The following RBFOX1 variants were observed in gnomAD, a reference collection of about 807,000 sequenced individuals.
The protein encoded by RBFOX1 is RNA binding protein fox-1 homolog 1.
Under a neutral mutation model 57.7 loss-of-function variants are expected in RBFOX1, and 8 were observed. The ratio of observed to expected loss-of-function variants is 0.14; its 90% CI spans 0.08 to 0.25. The LOEUF is 0.25. RBFOX1 is among the 10% of genes least tolerant of loss of function. The probability of loss-of-function intolerance (pLI) is 1.00; values close to 1 mark genes in which losing one functional copy is unlikely to be tolerated. For synonymous variants in RBFOX1, 326 were observed against 222.4 expected (o/e 1.47, Z -4.15); for missense variants, 611 against 548.5 (o/e 1.11, Z -1.14).
Position 7,289,114 on chromosome 16 carries a change from C to T in RBFOX1, c.28-229033C>T, listed in dbSNP as rs533225140. On this transcript the variant is annotated intron_variant, in intron 4 of 15. Coordinates refer to ENST00000550418, the MANE Select transcript of RBFOX1 (RefSeq NM_018723.4). Reference sequence around the variant, plus strand: ...TCATGCCAGATCCTGCCTGCTGTATCAGAGAGCCTCCTTAGAGATGTCTGT... The same window carrying T: ...TCATGCCAGATCCTGCCTGCTGTATTAGAGAGCCTCCTTAGAGATGTCTGT... Among the ~76,000 whole-genome samples, 12 of 152,298 alleles carry T rather than the reference C, an allele frequency of 7.9e-5. No homozygotes were observed. The East Asian group carries it at 2.3e-3, about 29-fold the overall frequency.
intron 2 of RBFOX1, among the ~76,000 whole-genome samples, chr16:6,638,063 G>A (rs2098459442): frequency 6.6e-6 from 1 of 152,022 alleles, no homozygotes; most frequent in Admixed American, 6.6e-5. Flanking sequence ...CTAAACTTCT[G>A]CCACTCTCTC....
chr16:5,587,544 C>G (rs1412167198), intron 2 of RBFOX1, among the ~76,000 whole-genome samples: 1 of 152,164 alleles, frequency 6.6e-6, no homozygotes, highest in East Asian at 1.9e-4. Context: ...GAAACCCCGT[C>G]TCTACTAAAA....
chr16:6,535,297 C>G (rs997061950), intron 2 of RBFOX1, among the ~76,000 whole-genome samples: 3 of 152,194 alleles, frequency 2.0e-5, no homozygotes, highest in Admixed American at 6.5e-5. Context: ...ATTGAGGGAT[C>G]ACACTGGAAA....
chr16:7,200,416 C>G (rs2088048275), intron 4 of RBFOX1, among the ~76,000 whole-genome samples: 1 of 152,280 alleles, frequency 6.6e-6, no homozygotes, highest in East Asian at 1.9e-4. Context: ...CACAACTGTG[C>G]TCTCTCCATA....
At chr16:6,111,008 G>A (rs2096440445) in intron 1 of RBFOX1, among the ~76,000 whole-genome samples, 1 of 152,140 alleles carries the variant, frequency 6.6e-6, no homozygotes, top group Non-Finnish European at 1.5e-5. Flanking sequence ...TATTTATGAG[G>A]GTTCAGTGGA....
intron 1 of RBFOX1, among the ~76,000 whole-genome samples, chr16:6,184,474 A>G (rs1483745857): frequency 1.3e-5 from 2 of 152,210 alleles, no homozygotes; most frequent in Admixed American, 6.5e-5. Flanking sequence ...TTTCCAAAGC[A>G]AAGACTATAT....
At chr16:5,581,847 T>A (rs965259311) in intron 2 of RBFOX1, among the ~76,000 whole-genome samples, 2 of 152,070 alleles carry the variant, frequency 1.3e-5, no homozygotes, top group African/African-American at 4.8e-5. Context: ...GGATATTATC[T>A]AGGGACAAAG....
chr16:7,266,922 G>A (rs1487594852), intron 4 of RBFOX1, among the ~76,000 whole-genome samples: 1 of 152,038 alleles, frequency 6.6e-6, no homozygotes, highest in African/African-American at 2.4e-5. Flanking sequence ...TTGCTGGGGG[G>A]AGACTGGAAG....
At chr16:6,455,138 C>G (rs148257428) in intron 2 of RBFOX1, among the ~76,000 whole-genome samples, 1 of 151,774 alleles carries the variant, frequency 6.6e-6, no homozygotes, top group Admixed American at 6.6e-5. Flanking sequence ...CAGGATCCAC[C>G]CGCCCTGGCC....
chr16:6,789,767 T>A (rs995981704), intron 3 of RBFOX1, among the ~76,000 whole-genome samples: 4 of 152,138 alleles, frequency 2.6e-5, no homozygotes, highest in East Asian at 1.9e-4. Flanking sequence ...CTTAGTTTTT[T>A]AAAAAATCTT....
chr16:6,274,628 TATC>T (rs1189462650), intron 1 of RBFOX1, among the ~76,000 whole-genome samples: 3 of 152,186 alleles, frequency 2.0e-5, no homozygotes, highest in Non-Finnish European at 4.4e-5. Context: ...GTATTAGCGC[TATC>T]ATCACGCAAT....
chr16:6,112,710 A>C (rs1194653317), intron 1 of RBFOX1, among the ~76,000 whole-genome samples: 1 of 152,184 alleles, frequency 6.6e-6, no homozygotes, highest in East Asian at 1.9e-4. Context: ...ACCTGGAGCA[A>C]GTTCTGAGGT....
Position 7,026,556 on chromosome 16 carries a change from G to A in RBFOX1, c.-15-25501G>A, listed in dbSNP as rs141653975. Among the ~76,000 whole-genome samples the A allele has an allele frequency of 2.1e-3, 322 of 151,496 alleles. 4 individuals carry two copies. The highest frequency in any genetic ancestry group is 0.014 in the Middle Eastern group (4 of 294). On this transcript the variant is annotated intron_variant, in intron 3 of 15. Transcript: ENST00000550418. Reference sequence around the variant, plus strand: ...ATACACAATCACAGCTGCTTCATACGGCTTCTCCCCGTCCCCTCTCCTGGC... The same window carrying A: ...ATACACAATCACAGCTGCTTCATACAGCTTCTCCCCGTCCCCTCTCCTGGC...
chr16:5,420,701 T>C (rs1242279600), intron 1 of RBFOX1, among the ~76,000 whole-genome samples: 1 of 152,016 alleles, frequency 6.6e-6, no homozygotes, highest in Non-Finnish European at 1.5e-5. Flanking sequence ...GCCTGGCTAA[T>C]TTTTGTATAC....
intron 2 of RBFOX1, among the ~76,000 whole-genome samples, chr16:6,456,286 G>A (rs1050396576): frequency 6.6e-6 from 1 of 152,108 alleles, no homozygotes; most frequent in Non-Finnish European, 1.5e-5. Context: ...GTGTGCGTGT[G>A]TAAGAGTGTG....
At chr16:6,774,423 CTAAA>C (rs1414664561) in intron 3 of RBFOX1, among the ~76,000 whole-genome samples, 1 of 152,136 alleles carries the variant, frequency 6.6e-6, no homozygotes, top group East Asian at 1.9e-4. Context: ...AACTGGGACT[CTAAA>C]TAATAGGTTC....
intron 3 of RBFOX1, among the ~76,000 whole-genome samples, chr16:6,895,711 C>G (rs939479069): frequency 4.6e-5 from 7 of 151,710 alleles, no homozygotes; most frequent in African/African-American, 1.7e-4. Context: ...GTAAAGGATA[C>G]TCATGTGATT....
At chr16:6,743,397 G>T (rs1392753871) in intron 3 of RBFOX1, among the ~76,000 whole-genome samples, 1 of 152,072 alleles carries the variant, frequency 6.6e-6, no homozygotes, top group Non-Finnish European at 1.5e-5. Flanking sequence ...ATAAAAATAA[G>T]ATCAAATTAT....
At chr16:5,278,536 A>G (rs992688987) in intron 1 of RBFOX1, among the ~76,000 whole-genome samples, 1 of 152,112 alleles carries the variant, frequency 6.6e-6, no homozygotes, top group African/African-American at 2.4e-5. Context: ...ATTTTTATAT[A>G]TGCTGTAAGG....
Sources: gnomAD v4.1 joint callset for allele counts (sites outside exome capture counted in the v4.1 genomes callset) on GRCh38, gnomAD v4.1.1 for gene constraint, MANE v1.5 for transcripts, NCBI Gene and HGNC (gene_info 2026-07-23, HGNC 2026-07-21) for gene names.